RTN1: variants seen among roughly 807,000 people sequenced by gnomAD.
The protein encoded by RTN1 is reticulon 1.
RTN1 carries 25 observed loss-of-function variants against 65.5 expected under a neutral mutation model. That is an observed-to-expected ratio of 0.38 (90% CI 0.28 to 0.53). RTN1 has a LOEUF of 0.53. Among genes scored for constraint, RTN1 ranks in the 20% least tolerant of loss-of-function variants. The pLI is 0.79. For synonymous variants in RTN1, 471 were observed against 447.6 expected (o/e 1.05, Z -0.66); for missense variants, 983 against 1,025.4 (o/e 0.96, Z 0.57).
intron 3 of RTN1, among the ~76,000 whole-genome samples, chr14:59,659,974 C>G (rs2208161): frequency 0.42 from 62,904 of 150,368 alleles, 14,301 homozygotes; most frequent in African/African-American, 0.56. Flanking sequence ...AAACCCATCA[C>G]TGTGCTGTAT....
At chr14:59,863,372 C>G (rs570810205) in intron 1 of RTN1, among the ~76,000 whole-genome samples, 2 of 152,068 alleles carry the variant, frequency 1.3e-5, no homozygotes, top group Non-Finnish European at 2.9e-5. Flanking sequence ...ATGTTTTTCC[C>G]GGCACTTTGA....
chr14:59,819,442 C>CT, intron 1 of RTN1, among the ~76,000 whole-genome samples: 1 of 49,722 alleles, frequency 2.0e-5, no homozygotes, highest in South Asian at 9.8e-4. Context: ...ACCCCCCCCC[C>CT]CCGGCCACAG....
intron 1 of RTN1, among the ~76,000 whole-genome samples, chr14:59,812,881 A>G (rs940488642): frequency 1.4e-4 from 22 of 152,238 alleles, no homozygotes; most frequent in Non-Finnish European, 2.4e-4. Flanking sequence ...AGTGGTCAAG[A>G]AAATCTTCTG....
chr14:59,859,917 T>C (rs1022186267), intron 1 of RTN1, among the ~76,000 whole-genome samples: 1 of 152,204 alleles, frequency 6.6e-6, no homozygotes, highest in Non-Finnish European at 1.5e-5. Flanking sequence ...CAGCAAAGCA[T>C]TCAAGATGTG....
intron 3 of RTN1, among the ~76,000 whole-genome samples, chr14:59,705,479 C>A (rs984209176): frequency 5.9e-5 from 9 of 152,164 alleles, no homozygotes; most frequent in African/African-American, 2.2e-4. Flanking sequence ...AGCAATGATT[C>A]TTTTTATGTG....
At chr14:59,703,449 T>C (rs917570856) in intron 3 of RTN1, among the ~76,000 whole-genome samples, 1 of 152,138 alleles carries the variant, frequency 6.6e-6, no homozygotes, top group African/African-American at 2.4e-5. Flanking sequence ...CTCTTGCCAT[T>C]TGACATGGCT....
chr14:59,859,721 G>A (rs910063311), intron 1 of RTN1, among the ~76,000 whole-genome samples: 4 of 152,322 alleles, frequency 2.6e-5, no homozygotes, highest in Admixed American at 1.3e-4. Flanking sequence ...ATAGCAATAT[G>A]GACAATAAGG....
At chr14:59,744,128 T>C (rs1885168388) in intron 2 of RTN1, among the ~76,000 whole-genome samples, 1 of 152,192 alleles carries the variant, frequency 6.6e-6, no homozygotes, top group African/African-American at 2.4e-5. Context: ...GGAGGAACTT[T>C]CATTAATTCT....
chr14:59,750,083 AGAC>A lies in RTN1; in HGVS notation c.242-3605_242-3603del, dbSNP rs1566713046. Among the ~76,000 whole-genome samples, 360 of 45,034 alleles carry A rather than the reference AGAC, an allele frequency of 8.0e-3. 6 individuals carry two copies. Among genetic ancestry groups the A allele is most frequent in the African/African-American group, 0.035 (348 of 9,970 alleles). The allele number at this position is 45,034 out of a possible 152,430, so 29.5% of individuals were successfully genotyped here. On this transcript the variant is annotated intron_variant, in intron 1 of 8. Transcript: ENST00000267484. ...ACATATATTATATATTATATATTAT[AGAC>A]ATATATATTATATATTATATATTAT...
intron 3 of RTN1, among the ~76,000 whole-genome samples, chr14:59,670,932 G>A (rs898725903): frequency 3.3e-5 from 5 of 152,164 alleles, no homozygotes; most frequent in Non-Finnish European, 4.4e-5. Flanking sequence ...TGGGAAAGGT[G>A]TACATGTACA....
chr14:59,678,821 T>C (rs983815996), intron 3 of RTN1, among the ~76,000 whole-genome samples: 1 of 152,162 alleles, frequency 6.6e-6, no homozygotes, highest in African/African-American at 2.4e-5. Flanking sequence ...ACTGGGGGAG[T>C]TGGTTAAAAA....
chr14:59,797,918 G>A (rs111304848), intron 1 of RTN1, among the ~76,000 whole-genome samples: 6,719 of 152,192 alleles, frequency 0.044, 289 homozygotes, highest in Admixed American at 0.11. Context: ...AGTCAAATAC[G>A]AGTTTAGTTA....
At chr14:59,762,816 T>A (rs1232536350) in intron 1 of RTN1, among the ~76,000 whole-genome samples, 2 of 152,234 alleles carry the variant, frequency 1.3e-5, no homozygotes, top group East Asian at 1.9e-4. Flanking sequence ...ACACCTTTTT[T>A]GAGGTACTTG....
intron 1 of RTN1, among the ~76,000 whole-genome samples, chr14:59,828,802 T>C (rs762243229): frequency 4.6e-5 from 7 of 152,178 alleles, no homozygotes; most frequent in Non-Finnish European, 8.8e-5. Flanking sequence ...AGTAACATGA[T>C]TTCAGAATGA....
chr14:59,705,340 G>T (rs1055184453), intron 3 of RTN1, among the ~76,000 whole-genome samples: 1 of 152,174 alleles, frequency 6.6e-6, no homozygotes, highest in Non-Finnish European at 1.5e-5. Context: ...AGTCTCTAAA[G>T]TTATCCAGTA....
At chr14:59,668,154 T>C (rs1279587915) in intron 3 of RTN1, among the ~76,000 whole-genome samples, 1 of 152,130 alleles carries the variant, frequency 6.6e-6, no homozygotes, top group Non-Finnish European at 1.5e-5. Context: ...AAGTGAATCC[T>C]ACAGAAAAAG....
At position 59,693,150 on chromosome 14, in the gene RTN1, G is replaced by C. The variant is rs140738530; in HGVS notation, c.1765+33769C>G. ...TGATCTTGGACTTACAGCTTCCAGA[G>C]CTGTGAGAAATAAATTTCAGTTGTT... On this transcript the variant is annotated intron_variant, in intron 3 of 8. Transcript: ENST00000267484. Among the ~76,000 whole-genome samples, 213 of 152,282 alleles carry C rather than the reference G, an allele frequency of 1.4e-3. 7 individuals are homozygous for C. The East Asian group carries it at 0.038, about 27-fold the overall frequency.
chr14:59,751,179 T>C (rs1885513091), intron 1 of RTN1, among the ~76,000 whole-genome samples: 1 of 150,392 alleles, frequency 6.6e-6, no homozygotes, highest in Admixed American at 6.7e-5. Context: ...TCAGCTAGGC[T>C]TCTCATTATA....
At chr14:59,730,616 A>T (rs1454190866) in intron 2 of RTN1, among the ~76,000 whole-genome samples, 3 of 152,208 alleles carry the variant, frequency 2.0e-5, no homozygotes. Context: ...CTGATAAGGG[A>T]CTCATATCTA....
Sources: gnomAD v4.1 joint callset for allele counts (sites outside exome capture counted in the v4.1 genomes callset) on GRCh38, gnomAD v4.1.1 for gene constraint, MANE v1.5 for transcripts, NCBI Gene and HGNC (gene_info 2026-07-23, HGNC 2026-07-21) for gene names.